Variants in ATP1B2 observed in about 807,000 individuals in gnomAD.
ATP1B2 encodes ATPase Na+/K+ transporting subunit beta 2.
Under a neutral mutation model 37.3 loss-of-function variants are expected in ATP1B2, and 12 were observed. That is an observed-to-expected ratio of 0.32 (90% confidence interval 0.21 to 0.52). The LOEUF (loss-of-function observed/expected upper bound fraction) is 0.52, where lower values mean the gene tolerates loss of function less well. Ranked by LOEUF, ATP1B2 falls within the 20% of genes least tolerant of loss-of-function variation. The probability of loss-of-function intolerance (pLI) is 0.96; values close to 1 mark genes in which losing one functional copy is unlikely to be tolerated. For synonymous variants in ATP1B2, 139 were observed against 140.5 expected, an observed-to-expected ratio of 0.99 and a Z score of 0.07; for missense variants, 324 against 391.6, an observed-to-expected ratio of 0.83 and a Z score of 1.46.
In ATP1B2 at chr17:7,655,431, C is replaced by A; in HGVS notation, c.610-96C>A. Reference sequence around the variant, plus strand: ...AGACTTGAGACAGGAATAATTGGGGCGAAGGAAGAACAAAAGAACAAATGG... The same window carrying A: ...AGACTTGAGACAGGAATAATTGGGGAGAAGGAAGAACAAAAGAACAAATGG... On this transcript the variant is annotated intron_variant, in intron 5 of 6. Coordinates refer to ENST00000250111, the MANE Select transcript of ATP1B2 (RefSeq NM_001678.5). This position sits in a 1 kb window ranked among gnomAD's most constrained non-coding sequence, Gnocchi z 4.4. 8.2e-7 allele frequency: 1 copy of A among 1,220,974 alleles called. No individual in the cohort carries two copies. Among genetic ancestry groups the A allele is most frequent in the Non-Finnish European group, 1.2e-6 (1 of 841,980 alleles). 75.6% of individuals were successfully genotyped at this position (1,220,974 alleles called of 1,614,324 possible).
Position 7,654,948 on chromosome 17 carries a change from G to A in ATP1B2, c.609+264G>A, listed in dbSNP as rs968280028. The A allele has an allele frequency of 6.2e-6, 3 of 483,660 alleles. No homozygotes were observed. The highest frequency in any genetic ancestry group is 3.5e-5 in the Admixed American group (1 of 28,770). The allele number at this position is 483,660 out of a possible 1,614,324, so 30.0% of individuals were successfully genotyped here. A position where few individuals can be genotyped will look rare whatever the true frequency, so the allele number is the denominator to read the frequency against. On this transcript the variant is annotated intron_variant, in intron 5 of 6. Coordinates refer to ENST00000250111, the MANE Select transcript of ATP1B2 (RefSeq NM_001678.5). This position sits in a 1 kb window ranked among gnomAD's most constrained non-coding sequence, Gnocchi z 4.9. ...ACACGCCCTCCTCCACCAACGCCCT[G>A]GCCTCTGGCTTCTCTCCCTAACGCT...
intron 2 of ATP1B2, 79 bp from the exon 3 acceptor site, chr17:7,653,762 C>G: frequency 7.0e-7 from 1 of 1,434,002 alleles, no homozygotes. Flanking sequence ...CTCTGGTGTT[C>G]CCTGTGTCCA....
upstream of ATP1B2, among the ~76,000 whole-genome samples, chr17:7,650,827 G>A (rs1015730862): frequency 5.9e-5 from 9 of 151,926 alleles, no homozygotes; most frequent in Non-Finnish European, 1.3e-4. Flanking sequence ...GAGGTCGCCT[G>A]GGCCAGTGGC....
At position 7,654,018 on chromosome 17, in the gene ATP1B2, C is replaced by G; in HGVS notation, c.347-34C>G. 1.2e-6 allele frequency: 2 copies of G among 1,607,056 alleles called. No individual in the cohort carries two copies. The highest frequency in any genetic ancestry group is 1.7e-6 in the Non-Finnish European group (2 of 1,175,048). ...ACTGGGGACCTTGGAAGTGGAACATCTGGCCCCTGAGTCTCTCCCTCCCAC... is the reference window on the plus strand; with the variant it reads ...ACTGGGGACCTTGGAAGTGGAACATGTGGCCCCTGAGTCTCTCCCTCCCAC... On this transcript the variant is annotated intron_variant, in intron 3 of 6. Coordinates refer to ENST00000250111, the MANE Select transcript of ATP1B2 (RefSeq NM_001678.5). This position sits in a 1 kb window ranked among gnomAD's most constrained non-coding sequence, Gnocchi z 4.9.
In ATP1B2 at chr17:7,656,651, G is replaced by C. The variant is rs1401370945; in HGVS notation, c.*756G>C. 1.3e-5 allele frequency: 2 copies of C among 152,828 alleles called. No homozygotes were observed. Among genetic ancestry groups the C allele is most frequent in the Admixed American group, 1.3e-4 (2 of 15,214 alleles). The allele number at this position is 152,828 out of a possible 1,614,324, so 9.5% of individuals were successfully genotyped here. On this transcript the variant is annotated 3_prime_UTR_variant, in exon 7 of 7. Coordinates refer to ENST00000250111, the MANE Select transcript of ATP1B2 (RefSeq NM_001678.5). Reference sequence around the variant, plus strand: ...AATCCTCTAGCAGCCCCCGACTTCAGCAGTTTCTTTCTTTGTTTTTTTGAG... The same window carrying C: ...AATCCTCTAGCAGCCCCCGACTTCACCAGTTTCTTTCTTTGTTTTTTTGAG...
chr17:7,653,797 C>T (rs767115902), intron 2 of ATP1B2, 44 bp from the exon 3 acceptor site: 1 of 1,583,852 alleles, frequency 6.3e-7, no homozygotes, highest in Non-Finnish European at 8.7e-7. Context: ...TGTGCAGTCC[C>T]TCATCTTATA....
rs1390516060 is a variant in ATP1B2, at chr17:7,654,532, G to A, written c.553-96G>A. The A allele has an allele frequency of 5.2e-6, 7 of 1,337,188 alleles. No individual in the cohort carries two copies. The highest frequency in any genetic ancestry group is 3.5e-5 in the South Asian group (3 of 84,736). The allele number at this position is 1,337,188 out of a possible 1,614,324, so 82.8% of individuals were successfully genotyped here. On this transcript the variant is annotated intron_variant, in intron 4 of 6. Coordinates refer to ENST00000250111, the MANE Select transcript of ATP1B2 (RefSeq NM_001678.5). This position sits in a 1 kb window ranked among gnomAD's most constrained non-coding sequence, Gnocchi z 4.9. ...CTATCCTCCCGCCTCAACCTCCCTA[G>A]TAGTTGGGACTACAGTCCCCGGCTT...
chr17:7,652,152 G>C (rs2072618334), intron 1 of ATP1B2, among the ~76,000 whole-genome samples: 1 of 152,088 alleles, frequency 6.6e-6, no homozygotes, highest in Non-Finnish European at 1.5e-5. Context: ...ACTGCTTTGT[G>C]GGTTGGGGGG....
At chr17:7,647,321 A>C (rs143167847), upstream of ATP1B2, among the ~76,000 whole-genome samples, 1 of 152,256 alleles carries the variant, frequency 6.6e-6, no homozygotes, top group Non-Finnish European at 1.5e-5. Flanking sequence ...AGGCTGAGGC[A>C]ACCCATAGTT....
chr17:7,655,416 C>A lies in ATP1B2; in HGVS notation c.610-111C>A. ...CAGCTCCAGGGAGGCAGACTTGAGA[C>A]AGGAATAATTGGGGCGAAGGAAGAA... On this transcript the variant is annotated intron_variant, in intron 5 of 6. Transcript: ENST00000250111. The surrounding 1 kb of genome is among the most constrained non-coding windows in gnomAD (Gnocchi z 4.4). 1.9e-6 allele frequency: 2 copies of A among 1,043,164 alleles called. No homozygotes were observed. The highest frequency in any genetic ancestry group is 2.9e-6 in the Non-Finnish European group (2 of 694,462). 64.6% of individuals were successfully genotyped at this position (1,043,164 alleles called of 1,614,324 possible). A position where few individuals can be genotyped will look rare whatever the true frequency, so the allele number is the denominator to read the frequency against.
chr17:7,654,786 T>A lies in ATP1B2; in HGVS notation c.609+102T>A. 1 of 1,378,398 alleles carries A rather than the reference T, an allele frequency of 7.3e-7. No homozygotes were observed. The highest frequency in any genetic ancestry group is 1.0e-6 in the Non-Finnish European group (1 of 971,986). 85.4% of individuals were successfully genotyped at this position (1,378,398 alleles called of 1,614,324 possible). On this transcript the variant is annotated intron_variant, in intron 5 of 6. Coordinates refer to ENST00000250111, the MANE Select transcript of ATP1B2 (RefSeq NM_001678.5). The surrounding 1 kb of genome is among the most constrained non-coding windows in gnomAD (Gnocchi z 4.9). ...ACCTGTCTCTCCCTATCTTCTTTGC[T>A]CCTAGAGGCCCCATCACCATAGAAA...
At chr17:7,650,096 C>G (rs2072600500), upstream of ATP1B2, among the ~76,000 whole-genome samples, 1 of 152,188 alleles carries the variant, frequency 6.6e-6, no homozygotes, top group Non-Finnish European at 1.5e-5. Context: ...TCTGGCCTCC[C>G]CAGGGCTACA....
chr17:7,651,656 C>T (rs1233047812), intron 1 of ATP1B2, 26 bp downstream of exon 1: 1 of 1,558,710 alleles, frequency 6.4e-7, no homozygotes, highest in South Asian at 1.2e-5. Flanking sequence ...ACGCAAGGGG[C>T]GGGGGAAAGC....
intron 1 of ATP1B2, among the ~76,000 whole-genome samples, 197 bp downstream of exon 1, chr17:7,651,827 T>A (rs1443545269): frequency 6.6e-6 from 1 of 151,816 alleles, no homozygotes; most frequent in Non-Finnish European, 1.5e-5. Flanking sequence ...AGAAAGTAGG[T>A]CACAGCCGCC....
chr17:7,650,758 C>G (rs1484890173), upstream of ATP1B2, among the ~76,000 whole-genome samples: 1 of 152,010 alleles, frequency 6.6e-6, no homozygotes, highest in Non-Finnish European at 1.5e-5. Flanking sequence ...GGAGAGACAG[C>G]TAGGTCCCTA....
In ATP1B2 at chr17:7,655,560, G is replaced by C; in HGVS notation, c.643G>C (p.Val215Leu). The C allele has an allele frequency of 6.2e-7, 1 of 1,614,108 alleles. No individual in the cohort carries two copies. Among genetic ancestry groups the C allele is most frequent in the Non-Finnish European group, 8.5e-7 (1 of 1,180,016 alleles). ...DEDAENLGNF[V>L]MFPANGNIDL... is the part of the protein sequence containing the mutation. ...AGATGCTGAGAATCTCGGCAACTTC[G>C]TCATGTTCCCCGCCAACGGCAACAT... The change falls in exon 6 of 7, where the codon GTC (valine) becomes CTC (leucine). Residue 215 changes from valine to leucine, a missense_variant. By Grantham distance (32) the Val-to-Leu change is conservative. Coordinates refer to ENST00000250111, the MANE Select transcript of ATP1B2 (RefSeq NM_001678.5). The surrounding 1 kb of genome is among the most constrained non-coding windows in gnomAD (Gnocchi z 4.4).
At chr17:7,648,695 G>A (rs1195577300), upstream of ATP1B2, among the ~76,000 whole-genome samples, 1 of 151,754 alleles carries the variant, frequency 6.6e-6, no homozygotes, top group Non-Finnish European at 1.5e-5. Flanking sequence ...CAATTATGCA[G>A]CTGGCCATGC....
chr17:7,651,475 C>T lies in ATP1B2; in HGVS notation c.-44C>T, dbSNP rs1163731130. 2 of 1,528,500 alleles carry T rather than the reference C, an allele frequency of 1.3e-6. No individual in the cohort carries two copies. Among genetic ancestry groups the T allele is most frequent in the Non-Finnish European group, 1.8e-6 (2 of 1,127,708 alleles). 94.7% of individuals were successfully genotyped at this position (1,528,500 alleles called of 1,614,324 possible). A position where few individuals can be genotyped will look rare whatever the true frequency, so the allele number is the denominator to read the frequency against. The stretch of plus-strand genomic sequence containing the variant: ...TCAGCGCGCGGCGCCCCCGCTTCTC[C>T]GCAACCCCCCGCCCCGCGCCCGGAC... On this transcript the variant is annotated 5_prime_UTR_variant, in exon 1 of 7. Transcript: ENST00000250111.
rs2072611260 is a variant in ATP1B2 at position 7,651,401 on chromosome 17, T to G, written c.-118T>G. On this transcript the variant is annotated 5_prime_UTR_variant, in exon 1 of 7. Transcript: ENST00000250111. ...AGCTGCATATCTGAGGGGGGTCTCC[T>G]TTGCCCGCGCCGCCTTCGCTCCCCG... 1.1e-6 allele frequency: 1 copy of G among 901,322 alleles called. No individual in the cohort carries two copies. Among genetic ancestry groups the G allele is most frequent in the Admixed American group, 2.1e-5 (1 of 47,752 alleles). The allele number at this position is 901,322 out of a possible 1,614,324, so 55.8% of individuals were successfully genotyped here.
Sources: gnomAD v4.1 joint callset for allele counts (sites outside exome capture counted in the v4.1 genomes callset) on GRCh38, gnomAD v4.1.1 for gene constraint, Gnocchi (gnomAD v3.1) non-coding constraint, MANE v1.5 for transcripts, NCBI Gene and HGNC (gene_info 2026-07-23, HGNC 2026-07-21) for gene names.